The following TXLNB variants were observed in gnomAD, a reference collection of about 807,000 sequenced individuals.
The protein encoded by TXLNB is taxilin beta, also known as beta-taxilin.
TXLNB carries 37 observed loss-of-function variants against 57.4 expected under a neutral mutation model. The ratio of observed to expected loss-of-function variants is 0.64; its 90% CI spans 0.50 to 0.85. The LOEUF is 0.85. TXLNB is among the 40% of genes least tolerant of loss of function. The pLI is 0.00. For synonymous variants in TXLNB, 302 were observed against 309.6 expected, an observed-to-expected ratio of 0.98 and a Z score of 0.26; for missense variants, 848 against 825.6, an observed-to-expected ratio of 1.03 and a Z score of -0.33.
rs563609309 is a variant in TXLNB, at chr6:139,268,381, T to A, written c.687+2075A>T. ...TTGATAAAAAAATTCAAAAAAGGCA[T>A]AAATGATTTAAAGCTAATTGTTACT... On this transcript the variant is annotated intron_variant, in intron 4 of 9. Coordinates refer to ENST00000358430, the MANE Select transcript of TXLNB (RefSeq NM_153235.4). 3.4e-4 allele frequency among the ~76,000 whole-genome samples: 51 copies of A among 152,236 alleles called. No individual in the cohort carries two copies. In the East Asian group the frequency reaches 8.3e-3, roughly 25 times the overall value.
At chr6:139,274,794 G>A (rs1219649085) in intron 3 of TXLNB, among the ~76,000 whole-genome samples, 1 of 152,082 alleles carries the variant, frequency 6.6e-6, no homozygotes, top group African/African-American at 2.4e-5. Context: ...ATAGAACATG[G>A]CGCTGGAAAC....
chr6:139,257,022 G>A (rs1318750456), intron 6 of TXLNB, among the ~76,000 whole-genome samples: 1 of 152,220 alleles, frequency 6.6e-6, no homozygotes, highest in African/African-American at 2.4e-5. Flanking sequence ...ATATAAGCTT[G>A]TAATTTTAAC....
rs1562291217 is a variant in TXLNB, at chr6:139,288,907, G to A, written c.-8C>T. 1 of 1,608,836 alleles carries A rather than the reference G, an allele frequency of 6.2e-7. No individual in the cohort carries two copies. Among genetic ancestry groups the A allele is most frequent in the Admixed American group, 1.7e-5 (1 of 59,876 alleles). ...AGAGTGATTAGCCTCCATCTTGGGAGTAGTATCTAGTGGTAAGCACAGTTA... is the reference window on the plus strand; with the variant it reads ...AGAGTGATTAGCCTCCATCTTGGGAATAGTATCTAGTGGTAAGCACAGTTA... On this transcript the variant is annotated 5_prime_UTR_variant, in exon 2 of 10. Transcript: ENST00000358430.
At chr6:139,164,488 G>T in the TXLNB span, among the ~76,000 whole-genome samples, 1 of 152,108 alleles carries the variant, frequency 6.6e-6, no homozygotes. Context: ...TACAGGAAGA[G>T]AATTGTCCAG....
chr6:139,274,456 ATCT>A (rs1478967720), intron 3 of TXLNB, among the ~76,000 whole-genome samples: 1 of 152,226 alleles, frequency 6.6e-6, no homozygotes, highest in African/African-American at 2.4e-5. Flanking sequence ...TTTTGGGTTA[ATCT>A]TCTCCTATTC....
At chr6:139,264,687 G>C (rs1251387822) in intron 4 of TXLNB, among the ~76,000 whole-genome samples, 2 of 152,094 alleles carry the variant, frequency 1.3e-5, no homozygotes, top group Non-Finnish European at 2.9e-5. Context: ...AGCCCCCTGA[G>C]TAGCTGGGAT....
At chr6:139,306,334 TG>T in the TXLNB span, among the ~76,000 whole-genome samples, 2 of 152,198 alleles carry the variant, frequency 1.3e-5, no homozygotes, top group Admixed American at 1.3e-4. Flanking sequence ...AAGTTTTCTC[TG>T]ATGTTTTTGA....
At chr6:139,314,066 C>T in the TXLNB span, among the ~76,000 whole-genome samples, 1 of 152,180 alleles carries the variant, frequency 6.6e-6, no homozygotes, top group Non-Finnish European at 1.5e-5. Context: ...TGACAGATGG[C>T]AGGCCCTGAA....
intron 6 of TXLNB, among the ~76,000 whole-genome samples, chr6:139,258,136 C>T (rs543968342): frequency 1.3e-5 from 2 of 152,246 alleles, no homozygotes; most frequent in South Asian, 4.1e-4. Flanking sequence ...CTCATCGCTT[C>T]CAAAAGGAGG....
At chr6:139,194,208 C>T in the TXLNB span, among the ~76,000 whole-genome samples, 6 of 152,072 alleles carry the variant, frequency 3.9e-5, no homozygotes, top group Non-Finnish European at 5.9e-5. Flanking sequence ...TCCAAAGTGC[C>T]GGGATTACAG....
chr6:139,160,249 CT>C, the TXLNB span, among the ~76,000 whole-genome samples: 2 of 152,116 alleles, frequency 1.3e-5, no homozygotes, highest in African/African-American at 2.4e-5. Context: ...GGTTTATATA[CT>C]TTTTTAAACA....
upstream of TXLNB, among the ~76,000 whole-genome samples, chr6:139,296,213 C>G (rs1389441171): frequency 6.6e-6 from 1 of 152,138 alleles, no homozygotes; most frequent in Non-Finnish European, 1.5e-5. Context: ...CTAGTGGCTT[C>G]CTGAGAAAGC....
At chr6:139,172,347 A>G in the TXLNB span, among the ~76,000 whole-genome samples, 12 of 152,314 alleles carry the variant, frequency 7.9e-5, no homozygotes, top group African/African-American at 2.9e-4. Context: ...TGCGGGGCTG[A>G]CATGCTGCTG....
intron 8 of TXLNB, among the ~76,000 whole-genome samples, chr6:139,246,634 G>A (rs1476819343): frequency 6.6e-6 from 1 of 152,064 alleles, no homozygotes; most frequent in African/African-American, 2.4e-5. Context: ...AAAATTAGAG[G>A]CCAGGCATGG....
intron 7 of TXLNB, among the ~76,000 whole-genome samples, chr6:139,252,768 G>C (rs1483101856): frequency 6.6e-6 from 1 of 152,216 alleles, no homozygotes; most frequent in Non-Finnish European, 1.5e-5. Flanking sequence ...GAGGTGGGCT[G>C]ATCACGAGGC....
the TXLNB span, among the ~76,000 whole-genome samples, chr6:139,219,236 C>G: frequency 6.6e-6 from 1 of 152,200 alleles, no homozygotes; most frequent in Non-Finnish European, 1.5e-5. Context: ...AACAATCACT[C>G]AAGTTGGCAG....
chr6:139,322,778 C>CT, the TXLNB span, among the ~76,000 whole-genome samples: 1 of 152,228 alleles, frequency 6.6e-6, no homozygotes. Context: ...CTTGTTCCTT[C>CT]TTTTTCTGTA....
At chr6:139,166,804 C>T in the TXLNB span, 6 of 1,613,758 alleles carry the variant, frequency 3.7e-6, no homozygotes, top group East Asian at 1.1e-4. Context: ...GTGCCCGTTC[C>T]CCCGGTGGCT....
At chr6:139,290,547 A>T (rs1368563798) in intron 1 of TXLNB, among the ~76,000 whole-genome samples, 2 of 152,192 alleles carry the variant, frequency 1.3e-5, no homozygotes. Flanking sequence ...GATTTTTAAG[A>T]AGTAGCAATG....
Sources: gnomAD v4.1 joint callset for allele counts (sites outside exome capture counted in the v4.1 genomes callset) on GRCh38, gnomAD v4.1.1 for gene constraint, MANE v1.5 for transcripts, NCBI Gene and HGNC (gene_info 2026-07-23, HGNC 2026-07-21) for gene names.